The following SPATA13 variants were observed in gnomAD, a reference collection of about 807,000 sequenced individuals.
SPATA13 encodes the protein spermatogenesis-associated protein 13.
Under a neutral mutation model 104.0 loss-of-function variants are expected in SPATA13, and 50 were observed. That is an observed-to-expected ratio of 0.48 (90% CI 0.38 to 0.61). SPATA13 has a LOEUF of 0.61. SPATA13 is among the 20% of genes least tolerant of loss of function. The pLI, the probability that SPATA13 is intolerant of heterozygous loss-of-function variation, is 0.00. For missense variants in SPATA13, 1,524 were observed against 1,690.6 expected, an observed-to-expected ratio of 0.90 and a Z score of 1.73; for synonymous variants, 606 against 667.5, an observed-to-expected ratio of 0.91 and a Z score of 1.42.
Position 24,223,733 on chromosome 13 carries a change from G to A in SPATA13, c.804G>A (p.Arg268=). Residue 268 remains arginine, a synonymous_variant, in exon 2 of 13, where the codon CGG becomes CGA. Coordinates refer to ENST00000382108, the MANE Select transcript of SPATA13 (RefSeq NM_001166271.3). ...TTCTGAAGAAGAGCTCCTTTAAGCG[G>A]AAGTCCACCTCCAATCTTGCAGACC... The part of the protein sequence containing the change: ...LAFLKKSSFK[R]KSTSNLADLR... 6.4e-7 allele frequency: 1 copy of A among 1,552,048 alleles called. No individual in the cohort carries two copies. The highest frequency in any genetic ancestry group is 8.7e-7 in the Non-Finnish European group (1 of 1,147,060).
chr13:24,179,645 C>T (rs1868675386), intron 1 of SPATA13, among the ~76,000 whole-genome samples: 1 of 152,184 alleles, frequency 6.6e-6, no homozygotes. Context: ...CTCTATTTTA[C>T]TTTCTGTTTC....
chr13:24,082,711 T>C (rs1879567792), intron 3 of SPATA13, among the ~76,000 whole-genome samples: 1 of 149,686 alleles, frequency 6.7e-6, no homozygotes, highest in African/African-American at 2.5e-5. Flanking sequence ...TCCCAGCTAC[T>C]CGGGAGGCTG....
intron 3 of SPATA13, among the ~76,000 whole-genome samples, chr13:24,082,409 A>ACC (rs1879551362): frequency 6.6e-6 from 1 of 152,198 alleles, no homozygotes; most frequent in Non-Finnish European, 1.5e-5. Context: ...GGGGAGGGTA[A>ACC]CACTGATGGA....
At chr13:24,013,708 T>C (rs1339168560) in intron 2 of SPATA13, among the ~76,000 whole-genome samples, 1 of 120,486 alleles carries the variant, frequency 8.3e-6, no homozygotes, top group African/African-American at 2.8e-5. Flanking sequence ...TTTTTCCACT[T>C]TTTTTTTTTT....
chr13:23,999,464 T>C (rs771447412), intron 2 of SPATA13, among the ~76,000 whole-genome samples: 1 of 151,230 alleles, frequency 6.6e-6, no homozygotes, highest in Non-Finnish European at 1.5e-5. Flanking sequence ...TTAACAATAT[T>C]GAATCTTCCA....
At chr13:24,017,674 C>G (rs1161214919) in exon 3 of SPATA13, 1 of 985,260 alleles carries the variant, frequency 1.0e-6, no homozygotes, top group African/African-American at 1.7e-5. Flanking sequence ...CAGAGCTTGT[C>G]TTCAAGAGTA....
At chr13:24,081,741 T>A (rs1342785308) in intron 3 of SPATA13, among the ~76,000 whole-genome samples, 1 of 152,208 alleles carries the variant, frequency 6.6e-6, no homozygotes, top group Non-Finnish European at 1.5e-5. Flanking sequence ...ACACTATGTT[T>A]TAAAGACCAC....
chr13:24,253,737 G>A (rs949972444), intron 4 of SPATA13, among the ~76,000 whole-genome samples: 8 of 152,104 alleles, frequency 5.3e-5, no homozygotes, highest in Non-Finnish European at 8.8e-5. Flanking sequence ...AGGTGAGTAG[G>A]AGGCAGTGAG....
chr13:24,031,383 G>T (rs1877474923), intron 3 of SPATA13, among the ~76,000 whole-genome samples: 1 of 152,222 alleles, frequency 6.6e-6, no homozygotes, highest in African/African-American at 2.4e-5. Context: ...TCCTAAGCCA[G>T]ACTTCCAATG....
At chr13:24,116,102 C>T (rs141137339) in intron 3 of SPATA13, among the ~76,000 whole-genome samples, 6 of 152,334 alleles carry the variant, frequency 3.9e-5, no homozygotes, top group Middle Eastern at 3.4e-3. Context: ...ATTCAGGCTG[C>T]TATGACAGAA....
intron 4 of SPATA13, among the ~76,000 whole-genome samples, chr13:24,283,588 T>C (rs1875708693): frequency 6.6e-6 from 1 of 152,236 alleles, no homozygotes; most frequent in African/African-American, 2.4e-5. Flanking sequence ...CTCTCTTTTC[T>C]GGTAAAAGTA....
chr13:24,145,610 C>G (rs752584112), intron 3 of SPATA13, among the ~76,000 whole-genome samples: 6 of 152,196 alleles, frequency 3.9e-5, no homozygotes, highest in Non-Finnish European at 7.3e-5. Context: ...TAGAACAAAG[C>G]AGGGACTGGG....
rs1273544939 is a variant in SPATA13 at position 24,216,455 on chromosome 13, C to T, written c.-111-6364C>T. Among the ~76,000 whole-genome samples, 3 of 152,362 alleles carry T rather than the reference C, an allele frequency of 2.0e-5. No individual in the cohort carries two copies. The South Asian group carries it at 6.2e-4, about 32-fold the overall frequency. On this transcript the variant is annotated intron_variant, in intron 1 of 12. Coordinates refer to ENST00000382108, the MANE Select transcript of SPATA13 (RefSeq NM_001166271.3). ...ATCACACGCTTGTATGAAATTGACA[C>T]CTTTCCAAAAGATACGCTTATTCTA... is the stretch of plus-strand genomic sequence containing the variant.
intron 12 of SPATA13, 43 bp from the exon 13 acceptor site, chr13:24,302,555 C>A: frequency 7.1e-7 from 1 of 1,405,782 alleles, no homozygotes; most frequent in Admixed American, 2.4e-5. Context: ...GGTTAACAAG[C>A]GACCCTCAGT....
chr13:24,189,697 AAT>A lies in SPATA13; in HGVS notation c.-112+28770_-112+28771del, dbSNP rs1417227327. On this transcript the variant is annotated intron_variant, in intron 1 of 12. Transcript: ENST00000382108. ...TTATATATATTTATATATAATATAT[AAT>A]ATATTATATATAAAAGCATATATAA... Among the ~76,000 whole-genome samples the A allele has an allele frequency of 0.011, 106 of 9,586 alleles. 32 individuals carry two copies. The South Asian group carries it at 0.31, about 28-fold the overall frequency. 6.3% of individuals were successfully genotyped at this position (9,586 alleles called of 152,430 possible). A position where few individuals can be genotyped will look rare whatever the true frequency, so the allele number is the denominator to read the frequency against.
chr13:24,184,379 T>A (rs1869011694), intron 1 of SPATA13, among the ~76,000 whole-genome samples: 1 of 152,216 alleles, frequency 6.6e-6, no homozygotes, highest in South Asian at 2.1e-4. Flanking sequence ...CTGCACCTGC[T>A]GTGCGGGTCC....
intron 3 of SPATA13, among the ~76,000 whole-genome samples, chr13:24,103,015 ACCT>A (rs1240786276): frequency 2.5e-4 from 38 of 152,266 alleles, no homozygotes; most frequent in African/African-American, 8.7e-4. Context: ...TTTTCCCAGC[ACCT>A]TTTGTTGAAG....
chr13:24,284,793 A>G (rs1470620467), intron 5 of SPATA13, among the ~76,000 whole-genome samples: 2 of 152,214 alleles, frequency 1.3e-5, no homozygotes, highest in African/African-American at 4.8e-5. Context: ...GTGTTCGGCC[A>G]GTGCTTTCCA....
At chr13:24,189,110 A>C (rs1478717156) in intron 1 of SPATA13, among the ~76,000 whole-genome samples, 5 of 152,154 alleles carry the variant, frequency 3.3e-5, no homozygotes, top group Non-Finnish European at 7.3e-5. Context: ...CCTGCCTGCT[A>C]ATACAGCATC....
Sources: allele counts gnomAD v4.1 joint callset (sites outside exome capture counted in the v4.1 genomes callset), GRCh38; gene constraint gnomAD v4.1.1; transcripts MANE v1.5; gene names NCBI Gene and HGNC (gene_info 2026-07-23, HGNC 2026-07-21).